NCK1: variants seen among roughly 807,000 people sequenced by gnomAD.
NCK1 encodes the protein SH2/SH3 adapter protein NCK1.
Under a neutral mutation model 36.6 loss-of-function variants are expected in NCK1, and 19 were observed. The ratio of observed to expected loss-of-function variants is 0.52; its 90% CI spans 0.36 to 0.76. The LOEUF (loss-of-function observed/expected upper bound fraction) is 0.76, where lower values mean the gene tolerates loss of function less well. Ranked by LOEUF, NCK1 falls within the 30% of genes least tolerant of loss-of-function variation. NCK1 has a pLI of 0.00. For missense variants in NCK1, 358 were observed against 445.6 expected, an observed-to-expected ratio of 0.80 and a Z score of 1.77; for synonymous variants, 165 against 156.0, an observed-to-expected ratio of 1.06 and a Z score of -0.43.
intron 1 of NCK1, among the ~76,000 whole-genome samples, chr3:136,924,315 TA>T (rs747371796): frequency 6.6e-5 from 10 of 152,048 alleles, no homozygotes; most frequent in African/African-American, 2.2e-4. Context: ...TTATAGGAGA[TA>T]GGGGGGATAG....
intron 1 of NCK1, among the ~76,000 whole-genome samples, chr3:136,866,915 T>G (rs1323061673): frequency 7.4e-6 from 1 of 135,274 alleles, no homozygotes; most frequent in Non-Finnish European, 1.6e-5. Context: ...GCCCGTCCAG[T>G]TTGCCTAGTC....
chr3:136,948,394 G>A lies in NCK1; in HGVS notation c.1075G>A (p.Ala359Thr). The change falls in exon 4 of 4, where the codon GCA (alanine) becomes ACA (threonine). Residue 359 changes from alanine (A) to threonine (T), a missense_variant. Ala to Thr is a moderately conservative substitution (Grantham distance 58). Transcript: ENST00000481752. ...AGAACTTGTAGAACATTACAAAAAGGCACCAATTTTTACAAGTGAACAAGG... is the reference window on the plus strand; with the variant it reads ...AGAACTTGTAGAACATTACAAAAAGACACCAATTTTTACAAGTGAACAAGG... ...MEELVEHYKK[A>T]PIFTSEQGEK... 6.2e-7 allele frequency: 1 copy of A among 1,612,910 alleles called. No homozygotes were observed. Among genetic ancestry groups the A allele is most frequent in the African/African-American group, 1.3e-5 (1 of 74,956 alleles).
chr3:136,865,267 T>C (rs1291705315), intron 1 of NCK1, among the ~76,000 whole-genome samples: 2 of 152,184 alleles, frequency 1.3e-5, no homozygotes, highest in Non-Finnish European at 2.9e-5. Flanking sequence ...GTATTTTTAG[T>C]AGAGACGGAG....
At chr3:136,943,137 TAA>T (rs1428969876) in intron 2 of NCK1, among the ~76,000 whole-genome samples, 1 of 152,106 alleles carries the variant, frequency 6.6e-6, no homozygotes, top group Non-Finnish European at 1.5e-5. Context: ...CTAGATTTTA[TAA>T]GTTTTTTTTT....
At chr3:136,888,863 GTTGT>G (rs538227612) in intron 1 of NCK1, among the ~76,000 whole-genome samples, 8 of 151,312 alleles carry the variant, frequency 5.3e-5, no homozygotes, top group Admixed American at 2.6e-4. Context: ...TGTTTTTTTT[GTTGT>G]TTGTTTTGTT....
intron 1 of NCK1, among the ~76,000 whole-genome samples, chr3:136,889,558 T>C (rs546062556): frequency 1.2e-3 from 180 of 152,222 alleles, no homozygotes; most frequent in African/African-American, 3.8e-3. Context: ...TTGCCACTGC[T>C]GGCTCGGGCA....
chr3:136,863,035 T>C (rs1938290096), intron 1 of NCK1, among the ~76,000 whole-genome samples: 1 of 151,268 alleles, frequency 6.6e-6, no homozygotes, highest in African/African-American at 2.4e-5. Context: ...TGTATTAACA[T>C]ACAAGTTAAA....
intron 2 of NCK1, among the ~76,000 whole-genome samples, chr3:136,937,907 G>T (rs1256097211): frequency 6.6e-6 from 1 of 151,248 alleles, no homozygotes; most frequent in African/African-American, 2.4e-5. Flanking sequence ...CTCCCTAATT[G>T]CTTTGACTAG....
At chr3:136,897,881 C>T (rs1939431008) in intron 1 of NCK1, among the ~76,000 whole-genome samples, 1 of 152,044 alleles carries the variant, frequency 6.6e-6, no homozygotes, top group Admixed American at 6.6e-5. Context: ...ATATTGATTA[C>T]AATTGTTTTT....
chr3:136,934,452 A>G (rs1424601057), intron 2 of NCK1, among the ~76,000 whole-genome samples: 1 of 151,136 alleles, frequency 6.6e-6, no homozygotes, highest in African/African-American at 2.4e-5. Flanking sequence ...CGCCTGGCTA[A>G]TTTTTGTGTT....
At chr3:136,902,539 A>G (rs914278734) in intron 1 of NCK1, among the ~76,000 whole-genome samples, 4 of 152,092 alleles carry the variant, frequency 2.6e-5, no homozygotes, top group Admixed American at 1.3e-4. Flanking sequence ...ATCTGAGGAG[A>G]TACTTGATAC....
intron 1 of NCK1, among the ~76,000 whole-genome samples, chr3:136,868,083 A>G (rs1242377582): frequency 1.3e-5 from 2 of 151,802 alleles, no homozygotes; most frequent in Admixed American, 6.6e-5. Context: ...ACACCTGGCT[A>G]ATTTTGTATT....
rs1285395879 is a variant in NCK1, at chr3:136,928,216, A to G, written c.215A>G (p.Lys72Arg). Reference protein sequence around the residue: ...ARKASIVKNLKDTLGIGKVKR... With the variant: ...ARKASIVKNLRDTLGIGKVKR... ...AAAGCATCTATTGTGAAAAACCTAA[A>G]GGATACCTTAGGTAAGATATTTTTT... Residue 72 changes from lysine (K) to arginine (R), a missense_variant, in exon 2 of 4, where the codon AAG becomes AGG. Lys to Arg is a conservative substitution (Grantham distance 26). Around this residue, in one of 3 missense-constraint regions of NCK1, gnomAD observed 143 missense variants for 162.4 expected, o/e 0.88. Coordinates refer to ENST00000481752, the MANE Select transcript of NCK1 (RefSeq NM_001291999.2). 1 of 1,608,000 alleles carries G rather than the reference A, an allele frequency of 6.2e-7. No individual in the cohort carries two copies. The highest frequency in any genetic ancestry group is 2.2e-5 in the East Asian group (1 of 44,858).
At chr3:136,873,434 C>T (rs1382208951) in intron 1 of NCK1, among the ~76,000 whole-genome samples, 1 of 152,106 alleles carries the variant, frequency 6.6e-6, no homozygotes, top group Admixed American at 6.5e-5. Context: ...AACTACCTTG[C>T]TTTTGATTTT....
rs556010599 is a variant in NCK1, at chr3:136,898,917, A to G, written c.-18-29067A>G. Reference sequence around the variant, plus strand: ...GATCTTGAAGAGCTTTACAGAGAACATAATCATAAAATGGCTAGAGATCAT... The same window carrying G: ...GATCTTGAAGAGCTTTACAGAGAACGTAATCATAAAATGGCTAGAGATCAT... On this transcript the variant is annotated intron_variant, in intron 1 of 3. Coordinates refer to ENST00000481752, the MANE Select transcript of NCK1 (RefSeq NM_001291999.2). Among the ~76,000 whole-genome samples the G allele has an allele frequency of 1.0e-3, 153 of 152,378 alleles. 2 individuals are homozygous for G. In the Middle Eastern group the frequency reaches 0.014, roughly 14 times the overall value.
chr3:136,913,793 T>C (rs566907447), intron 1 of NCK1, among the ~76,000 whole-genome samples: 14 of 152,302 alleles, frequency 9.2e-5, no homozygotes, highest in South Asian at 2.1e-4. Context: ...CTCAGCCTCC[T>C]GAGTAGCTGG....
intron 2 of NCK1, among the ~76,000 whole-genome samples, chr3:136,937,740 T>A (rs1940569984): frequency 6.6e-6 from 1 of 152,226 alleles, no homozygotes; most frequent in African/African-American, 2.4e-5. Flanking sequence ...CTTTGAATTG[T>A]TCATTGTTAA....
In NCK1 at chr3:136,951,100, T is replaced by G. The variant is rs1317029034; in HGVS notation, c.*2647T>G. On this transcript the variant is annotated 3_prime_UTR_variant, in exon 4 of 4. Coordinates refer to ENST00000481752, the MANE Select transcript of NCK1 (RefSeq NM_001291999.2). Reference sequence around the variant, plus strand: ...CAATCTATTGCCATTGCTAGAAGAATAAATAGGCCTAGCAGATGGGCAACT... The same window carrying G: ...CAATCTATTGCCATTGCTAGAAGAAGAAATAGGCCTAGCAGATGGGCAACT... 1.3e-5 allele frequency among the ~76,000 whole-genome samples: 2 copies of G among 152,160 alleles called. No homozygotes were observed. Among genetic ancestry groups the G allele is most frequent in the African/African-American group, 2.4e-5 (1 of 41,446 alleles).
intron 1 of NCK1, among the ~76,000 whole-genome samples, chr3:136,864,379 T>G (rs1311797758): frequency 3.3e-5 from 5 of 151,878 alleles, no homozygotes; most frequent in Non-Finnish European, 7.4e-5. Flanking sequence ...TAATCCCAGC[T>G]ACTCGGGAGT....
Sources: gnomAD v4.1 joint callset for allele counts (sites outside exome capture counted in the v4.1 genomes callset) on GRCh38, gnomAD v4.1.1 for gene constraint, gnomAD v4.1.1 regional missense constraint, MANE v1.5 for transcripts, NCBI Gene and HGNC (gene_info 2026-07-23, HGNC 2026-07-21) for gene names.